The following NOL4 variants were observed in gnomAD, a reference collection of about 807,000 sequenced individuals.
NOL4 encodes the protein nucleolar protein 4.
Under a neutral mutation model 75.9 loss-of-function variants are expected in NOL4, and 17 were observed. The observed-to-expected ratio is 0.22, with a 90% CI of 0.15 to 0.34. The LOEUF is 0.34. Ranked by LOEUF, NOL4 falls within the 10% of genes least tolerant of loss-of-function variation. The pLI is 1.00. For synonymous variants in NOL4, 292 were observed against 289.9 expected (o/e 1.01, Z -0.07); for missense variants, 614 against 793.5 (o/e 0.77, Z 2.72).
intron 1 of NOL4, among the ~76,000 whole-genome samples, chr18:34,151,032 T>C (rs545050544): frequency 2.2e-4 from 34 of 151,860 alleles, no homozygotes; most frequent in African/African-American, 7.7e-4. Flanking sequence ...TACATAACTA[T>C]TAGAAAGGCC....
intron 6 of NOL4, among the ~76,000 whole-genome samples, chr18:33,961,155 T>TCTGA (rs2145770869): frequency 6.6e-6 from 1 of 152,174 alleles, no homozygotes; most frequent in Admixed American, 6.6e-5. Context: ...TATTAATATA[T>TCTGA]CTGACAGTTA....
In NOL4 at chr18:34,194,445, AAGGAAGGAAGGAAGGCAGGC is replaced by A. The variant is rs1216313174; in HGVS notation, c.264+28525_264+28544del. Among the ~76,000 whole-genome samples, 55 of 145,210 alleles carry A rather than the reference AAGGAAGGAAGGAAGGCAGGC, an allele frequency of 3.8e-4. No individual in the cohort carries two copies. In the South Asian group the frequency reaches 0.011, roughly 30 times the overall value. On this transcript the variant is annotated intron_variant, in intron 1 of 10. Coordinates refer to ENST00000261592, the MANE Select transcript of NOL4 (RefSeq NM_003787.5). ...GAGGGAGGGAAGGAAGGAAGGAAGG[AAGGAAGGAAGGAAGGCAGGC>A]AGGCAGGCAGGCAGGCAGGCAGGCG... is the stretch of plus-strand genomic sequence containing the variant.
intron 6 of NOL4, among the ~76,000 whole-genome samples, chr18:33,987,764 G>A (rs757529159): frequency 2.0e-5 from 3 of 152,182 alleles, no homozygotes; most frequent in Non-Finnish European, 4.4e-5. Context: ...CCCAGTATAC[G>A]GTTGATCTCC....
intron 1 of NOL4, among the ~76,000 whole-genome samples, chr18:34,139,994 T>A (rs146756936): frequency 6.6e-6 from 1 of 152,204 alleles, no homozygotes; most frequent in Non-Finnish European, 1.5e-5. Context: ...CAGTTTTAAG[T>A]GAGTTTCTTA....
intron 1 of NOL4, chr18:34,158,587 A>AT (rs979997560): frequency 6.6e-6 from 1 of 152,222 alleles, no homozygotes; most frequent in African/African-American, 2.4e-5. Flanking sequence ...TTTACGTACT[A>AT]TGTATCCCAG....
At chr18:33,977,013 T>C (rs1187251684) in intron 6 of NOL4, among the ~76,000 whole-genome samples, 1 of 152,128 alleles carries the variant, frequency 6.6e-6, no homozygotes, top group Non-Finnish European at 1.5e-5. Context: ...TTTGTCTTAT[T>C]TTAAAAATAA....
At chr18:34,122,319 A>C (rs1486823034) in intron 2 of NOL4, among the ~76,000 whole-genome samples, 1 of 152,150 alleles carries the variant, frequency 6.6e-6, no homozygotes, top group Non-Finnish European at 1.5e-5. Context: ...CTAGTTAATA[A>C]TATTCTCAAA....
At chr18:34,132,461 G>C (rs1336948225) in intron 1 of NOL4, among the ~76,000 whole-genome samples, 1 of 152,176 alleles carries the variant, frequency 6.6e-6, no homozygotes, top group African/African-American at 2.4e-5. Context: ...TGGAAGTTCA[G>C]TGTTTGTCAG....
intron 6 of NOL4, among the ~76,000 whole-genome samples, chr18:33,958,854 A>C (rs2069871482): frequency 6.6e-6 from 1 of 152,162 alleles, no homozygotes; most frequent in African/African-American, 2.4e-5. Flanking sequence ...ATATTGTATT[A>C]TATCATATCA....
In NOL4 at chr18:34,201,001, CT is replaced by C. The variant is rs2035696322; in HGVS notation, c.264+21988del. 2.6e-5 allele frequency among the ~76,000 whole-genome samples: 4 copies of C among 151,656 alleles called. No individual in the cohort carries two copies. In the South Asian group the frequency reaches 8.3e-4, roughly 32 times the overall value. Reference sequence around the variant, plus strand: ...TTGAACAAATTAATATAATACTATACTCCTATGCTGCTCTATATAGGGTTGA... The same window carrying C: ...TTGAACAAATTAATATAATACTATACCCTATGCTGCTCTATATAGGGTTGA... On this transcript the variant is annotated intron_variant, in intron 1 of 10. Coordinates refer to ENST00000261592, the MANE Select transcript of NOL4 (RefSeq NM_003787.5).
chr18:34,198,653 G>A (rs770752614), intron 1 of NOL4, among the ~76,000 whole-genome samples: 32 of 151,706 alleles, frequency 2.1e-4, no homozygotes, highest in Non-Finnish European at 3.7e-4. Context: ...TGCTGTCATT[G>A]CTAGGTACAG....
intron 9 of NOL4, among the ~76,000 whole-genome samples, chr18:33,934,879 T>G (rs1157850569): frequency 2.0e-5 from 3 of 151,274 alleles, no homozygotes; most frequent in East Asian, 1.9e-4. Context: ...TTTTTTTTTT[T>G]TTTGATACAG....
At chr18:33,946,024 C>CA (rs2068809887) in intron 8 of NOL4, among the ~76,000 whole-genome samples, 1 of 151,430 alleles carries the variant, frequency 6.6e-6, no homozygotes, top group Non-Finnish European at 1.5e-5. Context: ...ATTAATAAAA[C>CA]AAAAAATTCT....
chr18:33,890,449 C>A (rs2065027206), intron 9 of NOL4, among the ~76,000 whole-genome samples: 1 of 152,020 alleles, frequency 6.6e-6, no homozygotes, highest in African/African-American at 2.4e-5. Flanking sequence ...GCCATACTGC[C>A]CGAGGTAATT....
intron 1 of NOL4, among the ~76,000 whole-genome samples, chr18:34,151,988 G>GATCAATTT (rs563587206): frequency 1.4e-3 from 208 of 151,812 alleles, no homozygotes; most frequent in African/African-American, 4.9e-3. Flanking sequence ...AACTATGCTT[G>GATCAATTT]ATCAATTTGA....
chr18:33,937,841 T>C (rs1312725338), intron 9 of NOL4, among the ~76,000 whole-genome samples: 1 of 152,102 alleles, frequency 6.6e-6, no homozygotes, highest in Non-Finnish European at 1.5e-5. Context: ...CATAAACAGC[T>C]CTCCAGATGA....
rs151227683 is a variant in NOL4 at position 34,196,978 on chromosome 18, G to A, written c.264+26012C>T. ...CCATCTCTTTGATATCAAACAATAGGTATAGTGAAGGTTTTGAGTTCTTCT... is the reference window on the plus strand; with the variant it reads ...CCATCTCTTTGATATCAAACAATAGATATAGTGAAGGTTTTGAGTTCTTCT... On this transcript the variant is annotated intron_variant, in intron 1 of 10. Coordinates refer to ENST00000261592, the MANE Select transcript of NOL4 (RefSeq NM_003787.5). 4.6e-5 allele frequency among the ~76,000 whole-genome samples: 7 copies of A among 152,106 alleles called. No individual in the cohort carries two copies. In the East Asian group the frequency reaches 1.4e-3, roughly 29 times the overall value.
intron 10 of NOL4, 132 bp downstream of exon 10, chr18:33,883,112 T>C (rs1372768801): frequency 5.3e-6 from 3 of 563,128 alleles, no homozygotes; most frequent in Non-Finnish European, 6.0e-6. Flanking sequence ...TGCTAGATGA[T>C]GAGTTAGTGG....
At chr18:34,022,895 T>C (rs1199123591) in intron 5 of NOL4, among the ~76,000 whole-genome samples, 1 of 152,098 alleles carries the variant, frequency 6.6e-6, no homozygotes, top group African/African-American at 2.4e-5. Context: ...CATTTATTTT[T>C]CAGGTAAGGT....
Sources: gnomAD v4.1 joint callset for allele counts (sites outside exome capture counted in the v4.1 genomes callset) on GRCh38, gnomAD v4.1.1 for gene constraint, MANE v1.5 for transcripts, NCBI Gene and HGNC (gene_info 2026-07-23, HGNC 2026-07-21) for gene names.